Variants in VAPA observed in about 807,000 individuals in gnomAD.
The protein encoded by VAPA is VAMP associated protein A.
A neutral mutation model predicts 25.6 loss-of-function variants in VAPA; 6 were observed. The ratio of observed to expected loss-of-function variants is 0.23; its 90% confidence interval spans 0.13 to 0.46. The LOEUF (loss-of-function observed/expected upper bound fraction) is 0.46, where lower values mean the gene tolerates loss of function less well. Ranked by LOEUF, VAPA falls within the 20% of genes least tolerant of loss-of-function variation. The pLI is 0.99. For synonymous variants in VAPA, 112 were observed against 106.2 expected, an observed-to-expected ratio of 1.05 and a Z score of -0.34; for missense variants, 244 against 302.1, an observed-to-expected ratio of 0.81 and a Z score of 1.43.
intron 1 of VAPA, among the ~76,000 whole-genome samples, chr18:9,928,306 ATTG>A (rs1424197140): frequency 6.6e-6 from 1 of 151,918 alleles, no homozygotes; most frequent in Non-Finnish European, 1.5e-5. Flanking sequence ...AAACATTTTT[ATTG>A]TTTTTCGTAA....
intron 1 of VAPA, among the ~76,000 whole-genome samples, chr18:9,919,202 G>A (rs1268854661): frequency 6.6e-6 from 1 of 152,002 alleles, no homozygotes; most frequent in Non-Finnish European, 1.5e-5. Flanking sequence ...TTTTTTAGTG[G>A]CATCATGATT....
chr18:9,932,035 G>T lies in VAPA; in HGVS notation c.232+73G>T, dbSNP rs561240434. ...TATGATTATGTTTTTGTTTAATAAG[G>T]TTTCATCTGGAGGGAGGGAAATAAT... is the stretch of plus-strand genomic sequence containing the variant. On this transcript the variant is annotated intron_variant, in intron 2 of 5. Coordinates refer to ENST00000400000, the MANE Select transcript of VAPA (RefSeq NM_194434.3). 1.8e-5 allele frequency: 20 copies of T among 1,116,290 alleles called. No homozygotes were observed. In the African/African-American group the frequency reaches 3.0e-4, roughly 17 times the overall value. The allele number at this position is 1,116,290 out of a possible 1,614,324, so 69.1% of individuals were successfully genotyped here. A position where few individuals can be genotyped will look rare whatever the true frequency, so the allele number is the denominator to read the frequency against.
At chr18:9,915,810 C>CTACT (rs1409738790) in intron 1 of VAPA, 1 of 152,124 alleles carries the variant, frequency 6.6e-6, no homozygotes, top group East Asian at 1.9e-4. Flanking sequence ...TGTAAGTGAG[C>CTACT]TACTTGTTGG....
chr18:9,954,186 T>A lies in VAPA; in HGVS notation c.725T>A (p.Phe242Tyr). 1 of 1,613,882 alleles carries A rather than the reference T, an allele frequency of 6.2e-7. No individual in the cohort carries two copies. The highest frequency in any genetic ancestry group is 8.5e-7 in the Non-Finnish European group (1 of 1,179,862). The change falls in exon 6 of 6, where the codon TTC (phenylalanine) becomes TAC (tyrosine). Residue 242 changes from phenylalanine (F) to tyrosine (Y), a missense_variant. By Grantham distance (22) the Phe-to-Tyr change is conservative (BLOSUM62 3). This residue lies in a region of VAPA where 145 missense variants were observed against 140.6 expected (regional missense o/e 1.03). Transcript: ENST00000400000. ...GTAATTGCAGCCATTTTCATTGGAT[T>A]CTTTCTAGGGAAATTCATCTTGTAG... ...LVVIAAIFIG[F>Y]FLGKFIL is the part of the protein sequence containing the mutation.
At chr18:9,927,733 A>AG (rs2069213449) in intron 1 of VAPA, among the ~76,000 whole-genome samples, 1 of 152,108 alleles carries the variant, frequency 6.6e-6, no homozygotes. Context: ...TCAGGCTCTA[A>AG]GTTTTTTTAA....
chr18:9,914,372 C>T, intron 1 of VAPA, 37 bp downstream of exon 1: 3 of 1,532,976 alleles, frequency 2.0e-6, no homozygotes, highest in Non-Finnish European at 2.6e-6. Context: ...TGGGGTGGGG[C>T]GCGCGGACCG....
At chr18:9,937,164 T>A in intron 4 of VAPA, 98 bp downstream of exon 4, 1 of 853,308 alleles carries the variant, frequency 1.2e-6, no homozygotes, top group Admixed American at 2.4e-5. Context: ...ATGTGTGATA[T>A]GGCTATTACA....
intron 1 of VAPA, 149 bp downstream of exon 1, chr18:9,914,484 C>T (rs1261006661): frequency 3.0e-5 from 18 of 591,538 alleles, no homozygotes; most frequent in South Asian, 1.1e-4. Flanking sequence ...CGGCTGCTTT[C>T]TTGCCGCCAC....
chr18:9,945,102 A>G, intron 4 of VAPA: 2 of 1,602,680 alleles, frequency 1.2e-6, no homozygotes, highest in Non-Finnish European at 1.7e-6. Flanking sequence ...TACTAGTGTC[A>G]ATGGTTAAGT....
intron 5 of VAPA, among the ~76,000 whole-genome samples, chr18:9,952,977 A>G (rs1422278700): frequency 6.6e-6 from 1 of 152,266 alleles, no homozygotes; most frequent in African/African-American, 2.4e-5. Context: ...TATAAGCACA[A>G]TAAAGGAATC....
At chr18:9,918,884 T>C (rs2069134358) in intron 1 of VAPA, among the ~76,000 whole-genome samples, 1 of 152,218 alleles carries the variant, frequency 6.6e-6, no homozygotes, top group Non-Finnish European at 1.5e-5. Context: ...CCATGCCTAC[T>C]CTTCTTCCCA....
At position 9,914,242 on chromosome 18, in the gene VAPA, T is replaced by C. The variant is rs1423038905; in HGVS notation, c.-15T>C. 6.3e-7 allele frequency: 1 copy of C among 1,575,470 alleles called. No individual in the cohort carries two copies. Reference sequence around the variant, plus strand: ...CGCCGCCGCGGGCGCGCCCCCGCTCTGCGCTGTCTCTCCGATGGCGTCCGC... The same window carrying C: ...CGCCGCCGCGGGCGCGCCCCCGCTCCGCGCTGTCTCTCCGATGGCGTCCGC... On this transcript the variant is annotated 5_prime_UTR_variant, in exon 1 of 6. Coordinates refer to ENST00000400000, the MANE Select transcript of VAPA (RefSeq NM_194434.3).
intron 1 of VAPA, among the ~76,000 whole-genome samples, chr18:9,919,700 T>C (rs186151244): frequency 7.2e-4 from 110 of 152,170 alleles, no homozygotes; most frequent in African/African-American, 2.6e-3. Context: ...GTGGTGAAAA[T>C]AGTCAAGATG....
At chr18:9,932,548 A>G (rs1361966050) in intron 2 of VAPA, among the ~76,000 whole-genome samples, 1 of 152,204 alleles carries the variant, frequency 6.6e-6, no homozygotes, top group African/African-American at 2.4e-5. Flanking sequence ...TACTGGTACC[A>G]TATCTAATGC....
At chr18:9,920,223 G>A (rs1229352994) in intron 1 of VAPA, among the ~76,000 whole-genome samples, 2 of 152,174 alleles carry the variant, frequency 1.3e-5, no homozygotes, top group South Asian at 2.1e-4. Flanking sequence ...TTAAGAAAAG[G>A]TCTGGGCTTT....
chr18:9,948,729 T>A (rs2069453769), intron 4 of VAPA: 1 of 152,364 alleles, frequency 6.6e-6, no homozygotes, highest in Non-Finnish European at 1.5e-5. Flanking sequence ...CCTGGCTAAT[T>A]TCTAAAATTG....
At position 9,937,053 on chromosome 18, in the gene VAPA, A is replaced by G. The variant is rs561921891; in HGVS notation, c.404A>G (p.Glu135Gly). Residue 135 changes from glutamate (E) to glycine (G), a missense_variant, in exon 4 of 6, where the codon GAA (glutamate) becomes GGA (glycine). Physicochemically the swap from Glu to Gly is moderately conservative, Grantham distance 98 (BLOSUM62 -2). This residue lies in a region of VAPA where 145 missense variants were observed against 140.6 expected (regional missense o/e 1.03). Coordinates refer to ENST00000400000, the MANE Select transcript of VAPA (RefSeq NM_194434.3). ...KLRCVFEMPN[E>G]NDKLNDMEPS... is the part of the protein sequence containing the mutation. ...AGATGCGTATTTGAAATGCCCAATG[A>G]AAATGATAAATTGGTAAGTAGGAGA... 2 of 1,613,808 alleles carry G rather than the reference A, an allele frequency of 1.2e-6. No homozygotes were observed. Among genetic ancestry groups the G allele is most frequent in the South Asian group, 2.2e-5 (2 of 91,052 alleles).
In VAPA at chr18:9,936,162, T is replaced by C; in HGVS notation, c.285T>C (p.Phe95=). Residue 95 remains phenylalanine (F), a synonymous_variant, in exon 3 of 6, where the codon TTT becomes TTC. Transcript: ENST00000400000. ...CGAATGAAAAGAGTAAACACAAGTT[T>C]ATGGTACAGACAATTTTTGCTCCAC... ...YDPNEKSKHK[F]MVQTIFAPPN... is the part of the protein sequence containing the mutation. The C allele has an allele frequency of 6.2e-7, 1 of 1,608,502 alleles. No individual in the cohort carries two copies. Among genetic ancestry groups the C allele is most frequent in the Non-Finnish European group, 8.5e-7 (1 of 1,177,334 alleles).
rs1023336015 is a variant in VAPA at position 9,956,073 on chromosome 18, T to C, written c.*1862T>C. On this transcript the variant is annotated 3_prime_UTR_variant, in exon 6 of 6. Coordinates refer to ENST00000400000, the MANE Select transcript of VAPA (RefSeq NM_194434.3). ...ATCTTTTTTTAAAGAAATTAAGTTC[T>C]TGAAAATTTAGCCAAATCCCGTTTT... is the stretch of plus-strand genomic sequence containing the variant. 3.3e-5 allele frequency: 5 copies of C among 152,208 alleles called. No individual in the cohort carries two copies. The highest frequency in any genetic ancestry group is 6.5e-5 in the Admixed American group (1 of 15,278). 9.4% of individuals were successfully genotyped at this position (152,208 alleles called of 1,614,324 possible). A position where few individuals can be genotyped will look rare whatever the true frequency, so the allele number is the denominator to read the frequency against.
Sources: gnomAD v4.1 joint callset for allele counts (sites outside exome capture counted in the v4.1 genomes callset) on GRCh38, gnomAD v4.1.1 for gene constraint, gnomAD v4.1.1 regional missense constraint, MANE v1.5 for transcripts, NCBI Gene and HGNC (gene_info 2026-07-23, HGNC 2026-07-21) for gene names.